COL5A1: variants seen among roughly 807,000 people sequenced by gnomAD.
COL5A1 encodes the protein collagen alpha-1(V) chain.
Under a neutral mutation model 263.7 loss-of-function variants are expected in COL5A1, and 16 were observed. The observed-to-expected ratio is 0.06, with a 90% CI of 0.04 to 0.09. The LOEUF (loss-of-function observed/expected upper bound fraction) is 0.09, where lower values mean the gene tolerates loss of function less well. Among genes scored for constraint, COL5A1 ranks in the 10% least tolerant of loss-of-function variants. COL5A1 has a pLI of 1.00. For missense variants in COL5A1, 2,036 were observed against 2,540.5 expected (o/e 0.80, Z 4.27); for synonymous variants, 1,012 against 1,004.5 (o/e 1.01, Z -0.14).
rs573006638 is a variant in COL5A1 at position 134,785,651 on chromosome 9, C to T, written c.2593-344C>T. On this transcript the variant is annotated intron_variant, in intron 30 of 65. Transcript: ENST00000371817. ...CCAGACTTCCTGCCCTATCCTGCTA[C>T]GTGGACCCATACAAAAGGGCTCAGA... Among the ~76,000 whole-genome samples, 29 of 152,338 alleles carry T rather than the reference C, an allele frequency of 1.9e-4. No homozygotes were observed. The South Asian group carries it at 5.4e-3, about 28-fold the overall frequency.
chr9:134,767,258 C>A, intron 23 of COL5A1, 52 bp from the exon 24 acceptor site: 1 of 1,588,902 alleles, frequency 6.3e-7, no homozygotes, highest in Non-Finnish European at 8.6e-7. Flanking sequence ...GGGGAGGGTT[C>A]TGAGTCAATC....
At chr9:134,685,395 CCACCATCCATCCATTAATT>C (rs1269948490) in intron 1 of COL5A1, among the ~76,000 whole-genome samples, 7 of 150,858 alleles carry the variant, frequency 4.6e-5, no homozygotes, top group Non-Finnish European at 7.4e-5. Flanking sequence ...ATCCATCCAT[CCACCATCCATCCATTAATT>C]CATCCATCCA....
intron 18 of COL5A1, among the ~76,000 whole-genome samples, chr9:134,761,532 G>A (rs749250441): frequency 3.9e-5 from 6 of 152,222 alleles, no homozygotes; most frequent in Non-Finnish European, 8.8e-5. Context: ...CACCCACTGC[G>A]TGCGAGCTCT....
rs112450731 is a variant in COL5A1, at chr9:134,757,286, A to C, written c.1881+468A>C. 0.059 allele frequency among the ~76,000 whole-genome samples: 8,932 copies of C among 152,180 alleles called. 310 individuals carry two copies. The highest frequency in any genetic ancestry group is 0.089 in the African/African-American group (3,682 of 41,486). ...GCACCAGCTGTTGCTGTCGCCACTC[A>C]TGCCTGCCCGCTGCTGTGCTCAGTG... On this transcript the variant is annotated intron_variant, in intron 17 of 65. Coordinates refer to ENST00000371817, the MANE Select transcript of COL5A1 (RefSeq NM_000093.5). The surrounding 1 kb of genome is among the most constrained non-coding windows in gnomAD (Gnocchi z 6.2).
intron 4 of COL5A1, among the ~76,000 whole-genome samples, chr9:134,704,971 G>C (rs746662523): frequency 5.3e-5 from 8 of 152,146 alleles, no homozygotes; most frequent in Non-Finnish European, 1.2e-4. Flanking sequence ...TCAGTCGCTT[G>C]GCTGCTCTAG....
rs1588569466 is a variant in COL5A1 at position 134,804,862 on chromosome 9, G to A, written c.3115-113G>A. ...GGCCTCGCTCTGGGACTGGTGAGAG[G>A]TCTGCGTTGCTGGCTCCAAGAGAGA... On this transcript the variant is annotated intron_variant, in intron 39 of 65. Transcript: ENST00000371817. The A allele has an allele frequency of 4.5e-6, 4 of 886,294 alleles. No individual in the cohort carries two copies. The East Asian group carries it at 7.6e-5, about 17-fold the overall frequency. The allele number at this position is 886,294 out of a possible 1,614,324, so 54.9% of individuals were successfully genotyped here.
At chr9:134,824,117 C>T (rs1054204520) in intron 61 of COL5A1, among the ~76,000 whole-genome samples, 1 of 151,672 alleles carries the variant, frequency 6.6e-6, no homozygotes, top group Non-Finnish European at 1.5e-5. Flanking sequence ...CTATTGGACA[C>T]CCCCCTTTGG....
Position 134,818,281 on chromosome 9 carries a change from G to A in COL5A1, c.4231-375G>A, listed in dbSNP as rs547005843. ...GCTTGGGGCCTGGCCCAGAGCACAC[G>A]GGAGGCTATTCTGTCAGTGAGGTGA... On this transcript the variant is annotated intron_variant, in intron 54 of 65. Coordinates refer to ENST00000371817, the MANE Select transcript of COL5A1 (RefSeq NM_000093.5). The surrounding 1 kb of genome is among the most constrained non-coding windows in gnomAD (Gnocchi z 6.0). Among the ~76,000 whole-genome samples, 1 of 152,320 alleles carries A rather than the reference G, an allele frequency of 6.6e-6. No individual in the cohort carries two copies. The highest frequency in any genetic ancestry group is 1.9e-4 in the East Asian group (1 of 5,180).
intron 42 of COL5A1, 97 bp downstream of exon 42, chr9:134,806,393 T>C: frequency 1.2e-6 from 1 of 858,630 alleles, no homozygotes; most frequent in African/African-American, 1.7e-5. Flanking sequence ...TCCCCAGGGG[T>C]ATTTCCTTGG....
chr9:134,813,940 G>C, intron 48 of COL5A1, 43 bp from the exon 49 acceptor site: 1 of 1,547,520 alleles, frequency 6.5e-7, no homozygotes, highest in Non-Finnish European at 8.7e-7. Flanking sequence ...TGCGTTCATC[G>C]CGGTGCTCAC....
intron 4 of COL5A1, among the ~76,000 whole-genome samples, chr9:134,724,355 TG>T (rs1394845669): frequency 6.6e-6 from 1 of 152,046 alleles, no homozygotes; most frequent in African/African-American, 2.4e-5. Flanking sequence ...AGCAGAGAGG[TG>T]TGTGTGAACA....
In COL5A1 at chr9:134,754,418, G is replaced by A. The variant is rs1297333671; in HGVS notation, c.1827+92G>A. Reference sequence around the variant, plus strand: ...GTGCGGGCACCCCCAACAGCCAGCTGGGCCACATGAAGCCAGGTGGCTCCC... The same window carrying A: ...GTGCGGGCACCCCCAACAGCCAGCTAGGCCACATGAAGCCAGGTGGCTCCC... On this transcript the variant is annotated intron_variant, in intron 16 of 65. Coordinates refer to ENST00000371817, the MANE Select transcript of COL5A1 (RefSeq NM_000093.5). This position sits in a 1 kb window ranked among gnomAD's most constrained non-coding sequence, Gnocchi z 4.3. The A allele has an allele frequency of 6.9e-7, 1 of 1,451,722 alleles. No homozygotes were observed. Among genetic ancestry groups the A allele is most frequent in the East Asian group, 2.3e-5 (1 of 44,068 alleles). The allele number at this position is 1,451,722 out of a possible 1,614,324, so 89.9% of individuals were successfully genotyped here. A position where few individuals can be genotyped will look rare whatever the true frequency, so the allele number is the denominator to read the frequency against.
At chr9:134,698,431 G>T (rs916102365) in intron 2 of COL5A1, among the ~76,000 whole-genome samples, 1 of 152,260 alleles carries the variant, frequency 6.6e-6, no homozygotes, top group African/African-American at 2.4e-5. Flanking sequence ...GCAGGCTCTG[G>T]GTTGGCCTGT....
chr9:134,831,878 C>T (rs1351829064), intron 64 of COL5A1, among the ~76,000 whole-genome samples: 1 of 152,198 alleles, frequency 6.6e-6, no homozygotes, highest in African/African-American at 2.4e-5. Flanking sequence ...CCAGGGAACA[C>T]ATCAGCTTAC....
chr9:134,829,613 A>T (rs186342464), intron 63 of COL5A1, among the ~76,000 whole-genome samples: 276 of 114,114 alleles, frequency 2.4e-3, no homozygotes, highest in African/African-American at 5.6e-3. Context: ...GGCCAGGCTC[A>T]TCCTCACGCG....
chr9:134,750,601 C>T lies in COL5A1; in HGVS notation c.1554C>T (p.Thr518=). 1 of 1,613,490 alleles carries T rather than the reference C, an allele frequency of 6.2e-7. No homozygotes were observed. Among genetic ancestry groups the T allele is most frequent in the South Asian group, 1.1e-5 (1 of 91,080 alleles). ...GADGLPGPPG[T]MLMLPFRFGG... is the part of the protein sequence containing the mutation. The stretch of plus-strand genomic sequence containing the variant: ...ATGGCCTGCCCGGTCCTCCAGGAAC[C>T]ATGCTCATGCTGCCCGTGAGTACCC... Residue 518 remains threonine, a synonymous_variant, in exon 12 of 66, where the codon ACC becomes ACT. Transcript: ENST00000371817.
chr9:134,815,171 G>C (rs1055586446), intron 50 of COL5A1, among the ~76,000 whole-genome samples: 1 of 152,276 alleles, frequency 6.6e-6, no homozygotes, highest in South Asian at 2.1e-4. Context: ...ACGAGTGACA[G>C]CCAGGCTTTG....
intron 4 of COL5A1, among the ~76,000 whole-genome samples, chr9:134,722,508 A>G (rs1834501225): frequency 6.6e-6 from 1 of 152,128 alleles, no homozygotes; most frequent in African/African-American, 2.4e-5. Flanking sequence ...CACGCCCATG[A>G]TCCAAGGAGC....
At chr9:134,726,330 A>G (rs138661335) in intron 4 of COL5A1, among the ~76,000 whole-genome samples, 1,744 of 150,268 alleles carry the variant, frequency 0.012, 16 homozygotes, top group South Asian at 0.02. Flanking sequence ...AAGGATGAGT[A>G]GAGGGACGGA....
Sources: allele counts gnomAD v4.1 joint callset (sites outside exome capture counted in the v4.1 genomes callset), GRCh38; gene constraint gnomAD v4.1.1; non-coding constraint Gnocchi (gnomAD v3.1); transcripts MANE v1.5; gene names NCBI Gene and HGNC (gene_info 2026-07-23, HGNC 2026-07-21).